CELF2: variants seen among roughly 807,000 people sequenced by gnomAD.
The protein encoded by CELF2 is CUGBP Elav-like family member 2.
In CELF2, 8 loss-of-function variants were observed where a neutral mutation model predicts 62.6. That is an observed-to-expected ratio of 0.13 (90% CI 0.07 to 0.23). The LOEUF (loss-of-function observed/expected upper bound fraction) is 0.23, where lower values mean the gene tolerates loss of function less well. CELF2 is among the 10% of genes least tolerant of loss of function. The pLI is 1.00. For missense variants in CELF2, 333 were observed against 671.0 expected (o/e 0.50, Z 5.56); for synonymous variants, 258 against 250.0 (o/e 1.03, Z -0.30).
chr10:11,311,589 T>G lies in CELF2; in HGVS notation c.977-2550T>G, dbSNP rs1348042111. On this transcript the variant is annotated intron_variant, in intron 9 of 12. Transcript: ENST00000633077. The surrounding 1 kb of genome is among the most constrained non-coding windows in gnomAD (Gnocchi z 4.7). Reference sequence around the variant, plus strand: ...AAATACAGCTAATATGTTTACATATTAAAAGAATTTGAAAAGCGAAAAAGC... The same window carrying G: ...AAATACAGCTAATATGTTTACATATGAAAAGAATTTGAAAAGCGAAAAAGC... 6.6e-6 allele frequency among the ~76,000 whole-genome samples: 1 copy of G among 152,154 alleles called. No homozygotes were observed. The highest frequency in any genetic ancestry group is 1.5e-5 in the Non-Finnish European group (1 of 68,008).
the CELF2 span, among the ~76,000 whole-genome samples, chr10:10,636,815 G>A: frequency 6.6e-6 from 1 of 152,090 alleles, no homozygotes; most frequent in South Asian, 2.1e-4. Flanking sequence ...AAGGGGAGGG[G>A]TTCACCAAGT....
At chr10:11,112,216 A>T (rs758297743) in intron 1 of CELF2, among the ~76,000 whole-genome samples, 1 of 152,256 alleles carries the variant, frequency 6.6e-6, no homozygotes, top group Non-Finnish European at 1.5e-5. Context: ...GTCCTGCTTT[A>T]TAGGCTCTTG....
At chr10:10,659,591 A>G in the CELF2 span, among the ~76,000 whole-genome samples, 2 of 152,148 alleles carry the variant, frequency 1.3e-5, no homozygotes, top group African/African-American at 4.8e-5. Flanking sequence ...TACCTGTCCT[A>G]TTGCAATGGC....
chr10:10,861,368 C>A (rs751207400), intron 1 of CELF2, among the ~76,000 whole-genome samples: 3 of 152,160 alleles, frequency 2.0e-5, no homozygotes, highest in Non-Finnish European at 4.4e-5. Context: ...ACCACTGTGC[C>A]TGGCCAAGAA....
At chr10:10,678,816 T>C in the CELF2 span, among the ~76,000 whole-genome samples, 33 of 152,328 alleles carry the variant, frequency 2.2e-4, no homozygotes, top group African/African-American at 7.9e-4. Context: ...CCTTTTGGAA[T>C]CTACTGGGGA....
chr10:10,856,867 A>T (rs1308158748), intron 1 of CELF2, among the ~76,000 whole-genome samples: 1 of 152,156 alleles, frequency 6.6e-6, no homozygotes, highest in South Asian at 2.1e-4. Context: ...TTCATGCTTG[A>T]TGGAGAAATT....
At chr10:10,520,532 C>A in the CELF2 span, among the ~76,000 whole-genome samples, 1 of 152,112 alleles carries the variant, frequency 6.6e-6, no homozygotes, top group African/African-American at 2.4e-5. Flanking sequence ...GCAAAACCCA[C>A]GCTGAGCTTT....
upstream of CELF2, among the ~76,000 whole-genome samples, chr10:11,002,097 G>T (rs2054573617): frequency 6.6e-6 from 1 of 152,190 alleles, no homozygotes; most frequent in African/African-American, 2.4e-5. This position sits in a 1 kb window ranked among gnomAD's most constrained non-coding sequence, Gnocchi z 4.4. Flanking sequence ...AGGTTTAATG[G>T]ACTCACAGTT....
chr10:10,560,863 T>TC, the CELF2 span, among the ~76,000 whole-genome samples: 1 of 152,190 alleles, frequency 6.6e-6, no homozygotes, highest in East Asian at 1.9e-4. Flanking sequence ...AACAGCATTT[T>TC]CAGTGACCTG....
the CELF2 span, among the ~76,000 whole-genome samples, chr10:10,644,294 C>A: frequency 6.6e-6 from 1 of 152,176 alleles, no homozygotes; most frequent in South Asian, 2.1e-4. Context: ...GTGTGACCAG[C>A]TCTGGAAAGG....
intron 2 of CELF2, among the ~76,000 whole-genome samples, chr10:10,961,818 T>C (rs1424940288): frequency 6.6e-6 from 1 of 152,216 alleles, no homozygotes; most frequent in Non-Finnish European, 1.5e-5. Context: ...TTTTGGCTTC[T>C]GAAGTTAATC....
chr10:10,504,439 T>C, the CELF2 span, among the ~76,000 whole-genome samples: 6 of 152,166 alleles, frequency 3.9e-5, no homozygotes, highest in Non-Finnish European at 4.4e-5. Flanking sequence ...GTCATTCTTA[T>C]TGTTTTTGCT....
intron 1 of CELF2, among the ~76,000 whole-genome samples, chr10:10,841,376 C>G (rs1368748617): frequency 6.6e-6 from 1 of 151,066 alleles, no homozygotes; most frequent in African/African-American, 2.4e-5. Context: ...TCACCAAACC[C>G]AAAGTTATAT....
At chr10:10,974,556 A>G (rs767835299) in intron 2 of CELF2, among the ~76,000 whole-genome samples, 3 of 152,248 alleles carry the variant, frequency 2.0e-5, no homozygotes, top group Non-Finnish European at 2.9e-5. Context: ...ATGAAGAGTC[A>G]TGCACTGACT....
chr10:10,600,106 C>T, the CELF2 span, among the ~76,000 whole-genome samples: 6 of 152,144 alleles, frequency 3.9e-5, no homozygotes, highest in Admixed American at 3.9e-4. Flanking sequence ...CAGTTATTAC[C>T]AGCTAATAGG....
chr10:10,816,134 A>G (rs1490198616), intron 1 of CELF2, among the ~76,000 whole-genome samples: 1 of 152,172 alleles, frequency 6.6e-6, no homozygotes, highest in East Asian at 1.9e-4. Flanking sequence ...TCTTGAGACC[A>G]TAAGTTTCTA....
chr10:10,786,423 C>T, the CELF2 span, among the ~76,000 whole-genome samples: 221 of 151,104 alleles, frequency 1.5e-3, no homozygotes, highest in African/African-American at 5.3e-3. Context: ...AATAAGCCAA[C>T]CATAATACAG....
At chr10:10,611,692 A>G in the CELF2 span, among the ~76,000 whole-genome samples, 1 of 152,188 alleles carries the variant, frequency 6.6e-6, no homozygotes, top group African/African-American at 2.4e-5. Context: ...GGAGGCAGAG[A>G]CATATGAGGC....
At chr10:11,050,257 G>A (rs2022377) in intron 1 of CELF2, among the ~76,000 whole-genome samples, 24,378 of 152,198 alleles carry the variant, frequency 0.16, 3,183 homozygotes, top group East Asian at 0.65. Context: ...TCAGAGAGAA[G>A]TCCAGTGTAA....
Sources: allele counts gnomAD v4.1 joint callset (sites outside exome capture counted in the v4.1 genomes callset), GRCh38; gene constraint gnomAD v4.1.1; non-coding constraint Gnocchi (gnomAD v3.1); transcripts MANE v1.5; gene names NCBI Gene and HGNC (gene_info 2026-07-23, HGNC 2026-07-21).